Variants in JCAD observed in about 807,000 individuals in gnomAD.
The protein encoded by JCAD is junctional cadherin 5 associated, also known as junctional cadherin 5-associated protein.
Under a neutral mutation model 98.0 loss-of-function variants are expected in JCAD, and 40 were observed. The ratio of observed to expected loss-of-function variants is 0.41; its 90% CI spans 0.32 to 0.53. The LOEUF (loss-of-function observed/expected upper bound fraction) is 0.53. JCAD is among the 20% of genes least tolerant of loss of function. JCAD has a pLI of 0.31. For synonymous variants in JCAD, 691 were observed against 682.3 expected (o/e 1.01, Z -0.20); for missense variants, 1,705 against 1,738.1 (o/e 0.98, Z 0.34).
intron 2 of JCAD, among the ~76,000 whole-genome samples, chr10:30,038,672 A>C (rs1837171679): frequency 7.2e-6 from 1 of 138,012 alleles, no homozygotes. Flanking sequence ...TGACAGAGAG[A>C]GACCCTGTCT....
intron 1 of JCAD, among the ~76,000 whole-genome samples, chr10:30,102,475 C>T (rs138441810): frequency 6.6e-6 from 1 of 152,132 alleles, no homozygotes; most frequent in African/African-American, 2.4e-5. Context: ...CCAGTCTACC[C>T]TCTTACATTT....
Position 30,047,831 on chromosome 10 carries a change from A to G in JCAD, c.-19T>C. 2.5e-6 allele frequency: 4 copies of G among 1,584,596 alleles called. No homozygotes were observed. Among genetic ancestry groups the G allele is most frequent in the Non-Finnish European group, 3.4e-6 (4 of 1,164,224 alleles). ...TGTACATGATGCCTGGGCTTCAGCA[A>G]AGCTCAACCACTGGAACCATGGTGG... On this transcript the variant is annotated 5_prime_UTR_variant, in exon 2 of 4. Transcript: ENST00000375377.
intron 1 of JCAD, among the ~76,000 whole-genome samples, chr10:30,110,414 G>C (rs575224592): frequency 1.3e-5 from 2 of 151,024 alleles, no homozygotes; most frequent in Non-Finnish European, 3.0e-5. Flanking sequence ...TGTATGGACC[G>C]GCTAATGTAT....
chr10:30,080,036 A>T (rs1369230731), intron 1 of JCAD, among the ~76,000 whole-genome samples: 1 of 152,206 alleles, frequency 6.6e-6, no homozygotes, highest in Non-Finnish European at 1.5e-5. Context: ...TAATTTCCTT[A>T]CTGAGCTACC....
chr10:30,026,233 A>G lies in JCAD; in HGVS notation c.3915T>C (p.Pro1305=), dbSNP rs767637593. 6.2e-7 allele frequency: 1 copy of G among 1,614,030 alleles called. No homozygotes were observed. The highest frequency in any genetic ancestry group is 8.5e-7 in the Non-Finnish European group (1 of 1,180,038). Residue 1305 remains proline, a synonymous_variant, in exon 3 of 4, where the codon CCT becomes CCC. Coordinates refer to ENST00000375377, the MANE Select transcript of JCAD (RefSeq NM_020848.4). ...ATCTCTGGGCACGGTCCCCACTGCC[A>G]GGAGACACAAGGCCTCCCGGGAGCC... is the stretch of plus-strand genomic sequence containing the variant. ...QAGLPGGLVS[P]GSGDRAQRLG...
At chr10:30,097,005 A>G (rs1325460994) in intron 1 of JCAD, among the ~76,000 whole-genome samples, 1 of 152,148 alleles carries the variant, frequency 6.6e-6, no homozygotes, top group Non-Finnish European at 1.5e-5. Flanking sequence ...CCAGTTCTGT[A>G]TTTGGAGCAT....
Position 30,026,242 on chromosome 10 carries a change from A to C in JCAD, c.3906T>G (p.Leu1302=), listed in dbSNP as rs1836790424. The part of the protein sequence containing the change: ...TRGQAGLPGG[L]VSPGSGDRAQ... The stretch of plus-strand genomic sequence containing the variant: ...CACGGTCCCCACTGCCAGGAGACAC[A>C]AGGCCTCCCGGGAGCCCGGCCTGGC... Residue 1302 remains leucine, a synonymous_variant, in exon 3 of 4, where the codon CTT becomes CTG. Transcript: ENST00000375377. 6.2e-7 allele frequency: 1 copy of C among 1,613,842 alleles called. No individual in the cohort carries two copies. The highest frequency in any genetic ancestry group is 8.5e-7 in the Non-Finnish European group (1 of 1,180,040).
Position 30,017,889 on chromosome 10 carries a change from C to T in JCAD, c.4074G>A (p.Arg1358=). The T allele has an allele frequency of 6.2e-7, 1 of 1,612,876 alleles. No individual in the cohort carries two copies. Among genetic ancestry groups the T allele is most frequent in the Non-Finnish European group, 8.5e-7 (1 of 1,179,082 alleles). Residue 1358 remains arginine, a synonymous_variant, in exon 4 of 4, where the codon AGG becomes AGA. Transcript: ENST00000375377. The part of the protein sequence containing the change: ...PDSYDPSRVE[R]V ...AAGCTCCACCGGCATTTCATCACAC[C>T]CTCTCCACTCTGCTAGGGTCATAGG... is the stretch of plus-strand genomic sequence containing the variant.
At chr10:30,092,076 T>TAAAGATACTTTAA in intron 1 of JCAD, among the ~76,000 whole-genome samples, 1 of 62,264 alleles carries the variant, frequency 1.6e-5, no homozygotes, top group African/African-American at 7.1e-5. Flanking sequence ...TATATATATA[T>TAAAGATACTTTAA]ATATATATAT....
At chr10:30,022,616 T>A (rs537127204) in intron 3 of JCAD, among the ~76,000 whole-genome samples, 47 of 152,242 alleles carry the variant, frequency 3.1e-4, no homozygotes, top group Middle Eastern at 3.4e-3. Context: ...CTGGTGACCA[T>A]CACATGAAAG....
chr10:30,068,531 C>T lies in JCAD; in HGVS notation n.250+1169G>A, dbSNP rs183935723. Among the ~76,000 whole-genome samples, 21 of 152,052 alleles carry T rather than the reference C, an allele frequency of 1.4e-4. No individual in the cohort carries two copies. The East Asian group carries it at 4.1e-3, about 29-fold the overall frequency. On this transcript the variant is annotated intron_variant and non_coding_transcript_variant, in intron 2 of 2. Coordinates refer to the JCAD transcript ENST00000465712. ...CAGTACTGCATTTATCAGGGCATAT[C>T]TTGGATTTGCTTACATGATACTTGG... is the stretch of plus-strand genomic sequence containing the variant.
intron 1 of JCAD, among the ~76,000 whole-genome samples, chr10:30,091,307 C>T (rs993567954): frequency 6.6e-6 from 1 of 152,148 alleles, no homozygotes; most frequent in South Asian, 2.1e-4. Flanking sequence ...TAGGTTATAA[C>T]AACACATGCA....
At chr10:30,093,311 T>C (rs1838315776) in intron 1 of JCAD, among the ~76,000 whole-genome samples, 1 of 152,218 alleles carries the variant, frequency 6.6e-6, no homozygotes, top group Admixed American at 6.5e-5. Context: ...GGTTTTTCCA[T>C]GGAAATCCCA....
At chr10:30,050,314 CAAAAAAAAAA>C (rs61421356) in intron 1 of JCAD, among the ~76,000 whole-genome samples, 8 of 41,728 alleles carry the variant, frequency 1.9e-4, no homozygotes, top group East Asian at 6.2e-4. Flanking sequence ...GACCCTGTCT[CAAAAAAAAAA>C]AAAAAAAAAA....
intron 2 of JCAD, among the ~76,000 whole-genome samples, chr10:30,033,820 G>A (rs1837053353): frequency 6.6e-6 from 1 of 152,220 alleles, no homozygotes; most frequent in African/African-American, 2.4e-5. Flanking sequence ...TCCAATCACA[G>A]AGGCAGAAGG....
At chr10:30,076,024 A>G (rs1837974719) in intron 1 of JCAD, among the ~76,000 whole-genome samples, 2 of 151,596 alleles carry the variant, frequency 1.3e-5, no homozygotes, top group African/African-American at 2.4e-5. Flanking sequence ...TGGTTCAAAC[A>G]GGGACTTTTT....
chr10:30,031,057 A>C (rs1836979969), intron 2 of JCAD, among the ~76,000 whole-genome samples: 1 of 151,054 alleles, frequency 6.6e-6, no homozygotes. Flanking sequence ...ACACATTACC[A>C]AGTCTCTCCC....
At position 30,027,442 on chromosome 10, in the gene JCAD, A is replaced by G. The variant is rs1455899202; in HGVS notation, c.2706T>C (p.Pro902=). Residue 902 remains proline (P), a synonymous_variant, in exon 3 of 4, where the codon CCT becomes CCC. Transcript: ENST00000375377. Reference sequence around the variant, plus strand: ...TCTCACCTCTTCCCGACCTACACACAGGGCTCTCCGGCACCCACATCCTCG... The same window carrying G: ...TCTCACCTCTTCCCGACCTACACACGGGGCTCTCCGGCACCCACATCCTCG... The part of the protein sequence containing the change: ...PQPRMWVPES[P]VCRSGRGESK... 1 of 1,604,568 alleles carries G rather than the reference A, an allele frequency of 6.2e-7. No individual in the cohort carries two copies. Among genetic ancestry groups the G allele is most frequent in the East Asian group, 2.2e-5 (1 of 44,860 alleles).
At chr10:30,069,553 T>A (rs1218948388) in intron 2 of JCAD, 3 of 148,640 alleles carry the variant, frequency 2.0e-5, no homozygotes, top group African/African-American at 7.5e-5. Flanking sequence ...ACCACTGCAC[T>A]CCAGCCTGGG....
Sources: allele counts gnomAD v4.1 joint callset (sites outside exome capture counted in the v4.1 genomes callset), GRCh38; gene constraint gnomAD v4.1.1; transcripts MANE v1.5; gene names NCBI Gene and HGNC (gene_info 2026-07-23, HGNC 2026-07-21).